Variants in UBR2 observed in about 807,000 individuals in gnomAD.
The protein encoded by UBR2 is E3 ubiquitin-protein ligase UBR2.
Under a neutral mutation model 247.9 loss-of-function variants are expected in UBR2, and 92 were observed. The ratio of observed to expected loss-of-function variants is 0.37; its 90% CI spans 0.31 to 0.44. The LOEUF is 0.44. UBR2 is among the 20% of genes least tolerant of loss of function. The probability of loss-of-function intolerance (pLI) is 1.00; values close to 1 mark genes in which losing one functional copy is unlikely to be tolerated. For missense variants in UBR2, 1,613 were observed against 2,112.6 expected, an observed-to-expected ratio of 0.76 and a Z score of 4.64; for synonymous variants, 672 against 693.5, an observed-to-expected ratio of 0.97 and a Z score of 0.49.
intron 1 of UBR2, among the ~76,000 whole-genome samples, chr6:42,570,679 T>C (rs1420380308): frequency 6.6e-6 from 1 of 151,750 alleles, no homozygotes; most frequent in Non-Finnish European, 1.5e-5. Flanking sequence ...GCTAGTTTTT[T>C]TTTTGTTGTT....
In UBR2 at chr6:42,573,786, A is replaced by G. The variant is rs1372156450; in HGVS notation, c.131A>G (p.His44Arg). Reference protein sequence around the residue: ...LTREVYQHLAHYVPKIYCRGP... With the variant: ...LTREVYQHLARYVPKIYCRGP... ...AGAGAAGTGTACCAGCATTTAGCCC[A>G]CTATGTACCCAAAATCTACTGCAGG... Residue 44 changes from histidine to arginine, a missense_variant, in exon 2 of 47, where the codon CAC (histidine) becomes CGC (arginine). By Grantham distance (29) the His-to-Arg change is conservative (BLOSUM62 0). Transcript: ENST00000372901. 4.3e-6 allele frequency: 7 copies of G among 1,611,766 alleles called. No individual in the cohort carries two copies. In the South Asian group the frequency reaches 4.4e-5, roughly 10 times the overall value.
chr6:42,586,622 T>G (rs1025261627), intron 2 of UBR2, among the ~76,000 whole-genome samples: 1 of 150,658 alleles, frequency 6.6e-6, no homozygotes. Context: ...ATTGTAGCAT[T>G]TCGTTTTGAT....
At chr6:42,631,694 AT>A (rs1795721829) in intron 11 of UBR2, among the ~76,000 whole-genome samples, 1 of 151,596 alleles carries the variant, frequency 6.6e-6, no homozygotes, top group Non-Finnish European at 1.5e-5. Flanking sequence ...GTATGAACTG[AT>A]ATGGGACATT....
At chr6:42,584,370 C>G (rs1231354878) in intron 2 of UBR2, among the ~76,000 whole-genome samples, 1 of 152,164 alleles carries the variant, frequency 6.6e-6, no homozygotes, top group East Asian at 1.9e-4. Flanking sequence ...TAATCTAGTT[C>G]ATTCATTGCT....
At chr6:42,588,740 G>A (rs73438683) in intron 2 of UBR2, among the ~76,000 whole-genome samples, 6 of 152,068 alleles carry the variant, frequency 3.9e-5, no homozygotes, top group Non-Finnish European at 5.9e-5. Context: ...CCCCTCTTCC[G>A]AGATTTTGGT....
intron 21 of UBR2, 75 bp from the exon 22 acceptor site, chr6:42,648,043 A>G (rs1327428477): frequency 2.6e-5 from 32 of 1,230,568 alleles, no homozygotes; most frequent in Middle Eastern, 1.9e-4. Context: ...ATGAGGGTCA[A>G]TGAGATAAAA....
chr6:42,582,165 C>G (rs1348164700), intron 2 of UBR2, among the ~76,000 whole-genome samples: 1 of 151,768 alleles, frequency 6.6e-6, no homozygotes, highest in Non-Finnish European at 1.5e-5. Context: ...CACCTGTAGT[C>G]CCAGTTACTC....
At position 42,564,247 on chromosome 6, in the gene UBR2, C is replaced by G; in HGVS notation, c.-73C>G. 1 of 1,548,314 alleles carries G rather than the reference C, an allele frequency of 6.5e-7. No homozygotes were observed. The highest frequency in any genetic ancestry group is 1.2e-5 in the South Asian group (1 of 84,186). On this transcript the variant is annotated 5_prime_UTR_variant, in exon 1 of 47. Transcript: ENST00000372901. ...GATTGCCTGGGGCAGGGGTGGCAGTCGAGGCCGCCGGGGCCGAGGTGAGGC... is the reference window on the plus strand; with the variant it reads ...GATTGCCTGGGGCAGGGGTGGCAGTGGAGGCCGCCGGGGCCGAGGTGAGGC...
intron 10 of UBR2, 182 bp from the exon 11 acceptor site, chr6:42,617,227 C>T (rs766704367): frequency 1.9e-6 from 3 of 1,612,986 alleles, no homozygotes; most frequent in East Asian, 2.2e-5. Context: ...TGAATCTCCC[C>T]CTTGTTGTTT....
At chr6:42,604,979 A>G (rs1562301343) in intron 5 of UBR2, among the ~76,000 whole-genome samples, 1 of 151,870 alleles carries the variant, frequency 6.6e-6, no homozygotes, top group Non-Finnish European at 1.5e-5. Context: ...GTGAGCCAAG[A>G]TTGTGCCACT....
chr6:42,693,323 C>T lies in UBR2; in HGVS notation c.*2150C>T, dbSNP rs1439500753. 1 of 151,992 alleles carries T rather than the reference C, an allele frequency of 6.6e-6. No individual in the cohort carries two copies. Among genetic ancestry groups the T allele is most frequent in the Non-Finnish European group, 1.5e-5 (1 of 67,990 alleles). The allele number at this position is 151,992 out of a possible 1,614,324, so 9.4% of individuals were successfully genotyped here. A position where few individuals can be genotyped will look rare whatever the true frequency, so the allele number is the denominator to read the frequency against. Reference sequence around the variant, plus strand: ...ATCATGTTAGTTTTATGATTTGTTCCGCATGTTTTATGTTTATTGTAGAAA... The same window carrying T: ...ATCATGTTAGTTTTATGATTTGTTCTGCATGTTTTATGTTTATTGTAGAAA... On this transcript the variant is annotated 3_prime_UTR_variant, in exon 47 of 47. Transcript: ENST00000372901.
intron 36 of UBR2, 137 bp from the exon 37 acceptor site, chr6:42,673,654 C>T (rs929001187): frequency 1.7e-6 from 1 of 603,520 alleles, no homozygotes; most frequent in African/African-American, 1.9e-5. Flanking sequence ...AGAGGCATGT[C>T]ATTGAGATGT....
intron 2 of UBR2, 50 bp downstream of exon 2, chr6:42,574,043 C>CT: frequency 2.1e-6 from 3 of 1,456,382 alleles, no homozygotes; most frequent in Non-Finnish European, 2.7e-6. Context: ...TATTTGACCT[C>CT]TTTTTTTCCC....
At chr6:42,633,992 A>G (rs576014958) in intron 13 of UBR2, among the ~76,000 whole-genome samples, 259 of 151,888 alleles carry the variant, frequency 1.7e-3, no homozygotes, top group Non-Finnish European at 2.3e-3. Context: ...CGGCCTCCCA[A>G]TGTGCTGGGA....
intron 18 of UBR2, 136 bp from the exon 19 acceptor site, chr6:42,644,078 G>T: frequency 1.2e-6 from 1 of 820,092 alleles, no homozygotes; most frequent in Non-Finnish European, 1.9e-6. Context: ...ATCTTTTATT[G>T]GGATTGGTGA....
At position 42,573,842 on chromosome 6, in the gene UBR2, A is replaced by T; in HGVS notation, c.187A>T (p.Met63Leu). 6.2e-7 allele frequency: 1 copy of T among 1,614,074 alleles called. No individual in the cohort carries two copies. Among genetic ancestry groups the T allele is most frequent in the Non-Finnish European group, 8.5e-7 (1 of 1,179,984 alleles). ...GPNPFPQKED[M>L]LAQHVLLGPM... ...CAACCCTTTTCCACAGAAAGAAGAC[A>T]TGCTGGCACAGCATGTTTTGTTGGG... The change falls in exon 2 of 47, where the codon ATG (methionine) becomes TTG (leucine). Residue 63 changes from methionine (M) to leucine (L), a missense_variant. Met to Leu is a conservative substitution (Grantham distance 15). This residue lies in a region of UBR2 where 1,524 missense variants were observed against 1,967.3 expected (regional missense o/e 0.77). Coordinates refer to ENST00000372901, the MANE Select transcript of UBR2 (RefSeq NM_001363705.2).
At chr6:42,570,528 C>T (rs1277713082) in intron 1 of UBR2, among the ~76,000 whole-genome samples, 1 of 151,930 alleles carries the variant, frequency 6.6e-6, no homozygotes, top group African/African-American at 2.4e-5. Flanking sequence ...CCACTGTGCC[C>T]AGGAGTAGTA....
intron 2 of UBR2, among the ~76,000 whole-genome samples, chr6:42,582,303 AC>A (rs1264947775): frequency 2.0e-3 from 258 of 127,686 alleles, no homozygotes; most frequent in East Asian, 3.1e-3. Context: ...AAAAAAAAAA[AC>A]ATTTTAGGAA....
chr6:42,593,068 G>A (rs2151918034), intron 3 of UBR2, among the ~76,000 whole-genome samples: 1 of 152,220 alleles, frequency 6.6e-6, no homozygotes, highest in African/African-American at 2.4e-5. Context: ...CAGCTGCTCG[G>A]GAGGCTGAGG....
Sources: allele counts gnomAD v4.1 joint callset (sites outside exome capture counted in the v4.1 genomes callset), GRCh38; gene constraint gnomAD v4.1.1; regional missense constraint gnomAD v4.1.1; transcripts MANE v1.5; gene names NCBI Gene and HGNC (gene_info 2026-07-23, HGNC 2026-07-21).